HOXC11: variants seen among roughly 807,000 people sequenced by gnomAD.
HOXC11 encodes the protein homeobox protein Hox-C11.
In HOXC11, 17 loss-of-function variants were observed where a neutral mutation model predicts 23.6. The ratio of observed to expected loss-of-function variants is 0.72; its 90% CI spans 0.49 to 1.08. The LOEUF is 1.08. Among genes scored for constraint, HOXC11 ranks in the 50% least tolerant of loss-of-function variants. The pLI is 0.00. For synonymous variants in HOXC11, 196 were observed against 183.8 expected (o/e 1.07, Z -0.54); for missense variants, 413 against 412.1 (o/e 1.00, Z -0.02).
At position 53,975,520 on chromosome 12, in the gene HOXC11, C is replaced by A; in HGVS notation, c.*107C>A. On this transcript the variant is annotated 3_prime_UTR_variant, in exon 2 of 2. Transcript: ENST00000546378. ...TTCTTTCCGCCGGTGGAAAACTGGA[C>A]TGTGGCCAGGGCTGGCCCCCACCGC... 1.2e-6 allele frequency: 1 copy of A among 863,604 alleles called. No homozygotes were observed. The highest frequency in any genetic ancestry group is 1.9e-6 in the Non-Finnish European group (1 of 531,446). The allele number at this position is 863,604 out of a possible 1,614,324, so 53.5% of individuals were successfully genotyped here.
In HOXC11 at chr12:53,973,343, G is replaced by A; in HGVS notation, c.102G>A (p.Leu34=). The A allele has an allele frequency of 6.2e-7, 1 of 1,614,060 alleles. No individual in the cohort carries two copies. The highest frequency in any genetic ancestry group is 8.5e-7 in the Non-Finnish European group (1 of 1,179,988). ...ERGSCASNLY[L]PSCTYYMPEF... ...GGAGCTGCGCCTCCAACCTCTATCTGCCCAGTTGCACTTACTACATGCCCG... is the reference window on the plus strand; with the variant it reads ...GGAGCTGCGCCTCCAACCTCTATCTACCCAGTTGCACTTACTACATGCCCG... Residue 34 remains leucine, a synonymous_variant, in exon 1 of 2, where the codon CTG becomes CTA. Transcript: ENST00000546378. The surrounding 1 kb of genome is among the most constrained non-coding windows in gnomAD (Gnocchi z 4.3).
At chr12:53,974,806 G>A in intron 1 of HOXC11, 1 of 186,064 alleles carries the variant, frequency 5.4e-6, no homozygotes, top group Non-Finnish European at 1.1e-5. Context: ...TGGGGGAGGG[G>A]TTGGGCTTTC....
rs1939245020 is a variant in HOXC11 at position 53,975,700 on chromosome 12, A to G, written c.*287A>G. 1.1e-5 allele frequency: 6 copies of G among 558,988 alleles called. No individual in the cohort carries two copies. Among genetic ancestry groups the G allele is most frequent in the Non-Finnish European group, 1.6e-5 (5 of 317,258 alleles). The allele number at this position is 558,988 out of a possible 1,614,324, so 34.6% of individuals were successfully genotyped here. ...AGGCCAAGACTTTGATTTAAAAGAAAACACACCTCGGCGACAATGTCTTGC... is the reference window on the plus strand; with the variant it reads ...AGGCCAAGACTTTGATTTAAAAGAAGACACACCTCGGCGACAATGTCTTGC... On this transcript the variant is annotated 3_prime_UTR_variant, in exon 2 of 2. Transcript: ENST00000546378.
Position 53,973,407 on chromosome 12 carries a change from T to A in HOXC11, c.166T>A (p.Ser56Thr). The A allele has an allele frequency of 6.2e-7, 1 of 1,613,982 alleles. No homozygotes were observed. The change falls in exon 1 of 2, where the codon TCT (serine) becomes ACT (threonine). Residue 56 changes from serine (S) to threonine (T), a missense_variant. Ser to Thr is a moderately conservative substitution (Grantham distance 58). Transcript: ENST00000546378. The surrounding 1 kb of genome is among the most constrained non-coding windows in gnomAD (Gnocchi z 4.3). ...CTCCTCCTTCCTGCCCCAGGCCCCC[T>A]CTCGTCAGATCTCCTATCCCTACTC... is the stretch of plus-strand genomic sequence containing the variant. ...TVSSFLPQAPSRQISYPYSAQ... is the reference protein window; with the variant it reads ...TVSSFLPQAPTRQISYPYSAQ...
In HOXC11 at chr12:53,973,179, AT is replaced by A; in HGVS notation, c.-59del. The A allele has an allele frequency of 2.9e-6, 4 of 1,374,300 alleles. No individual in the cohort carries two copies. The highest frequency in any genetic ancestry group is 2.8e-5 in the South Asian group (2 of 71,716). 85.1% of individuals were successfully genotyped at this position (1,374,300 alleles called of 1,614,324 possible). On this transcript the variant is annotated 5_prime_UTR_variant, in exon 1 of 2. Coordinates refer to ENST00000546378, the MANE Select transcript of HOXC11 (RefSeq NM_014212.4). This position sits in a 1 kb window ranked among gnomAD's most constrained non-coding sequence, Gnocchi z 4.3. ...ATAACGCGTCATCTCGCCTTCCCAA[AT>A]TTTCCCCCCTCGCTAGACCGGGTCC...
In HOXC11 at chr12:53,975,495, T is replaced by A. The variant is rs747002887; in HGVS notation, c.*82T>A. On this transcript the variant is annotated 3_prime_UTR_variant, in exon 2 of 2. Coordinates refer to ENST00000546378, the MANE Select transcript of HOXC11 (RefSeq NM_014212.4). ...TTTATTTTTTATTTTCTAACTCGTC[T>A]TCTTTCCGCCGGTGGAAAACTGGAC... 2.0e-6 allele frequency: 2 copies of A among 993,630 alleles called. No homozygotes were observed. The highest frequency in any genetic ancestry group is 2.8e-5 in the South Asian group (2 of 71,976). The allele number at this position is 993,630 out of a possible 1,614,324, so 61.6% of individuals were successfully genotyped here. A position where few individuals can be genotyped will look rare whatever the true frequency, so the allele number is the denominator to read the frequency against.
In HOXC11 at chr12:53,975,553, G is replaced by A. The variant is rs905533305; in HGVS notation, c.*140G>A. 2.9e-5 allele frequency: 21 copies of A among 718,750 alleles called. No homozygotes were observed. The highest frequency in any genetic ancestry group is 5.4e-5 in the East Asian group (2 of 37,024). The allele number at this position is 718,750 out of a possible 1,614,324, so 44.5% of individuals were successfully genotyped here. ...AGGGCTGGCCCCCACCGCTGTGGCCGGCACTCCATTCCGGAACCTCCTGGA... is the reference window on the plus strand; with the variant it reads ...AGGGCTGGCCCCCACCGCTGTGGCCAGCACTCCATTCCGGAACCTCCTGGA... On this transcript the variant is annotated 3_prime_UTR_variant, in exon 2 of 2. Coordinates refer to ENST00000546378, the MANE Select transcript of HOXC11 (RefSeq NM_014212.4).
Position 53,973,518 on chromosome 12 carries a change from T to C in HOXC11, c.277T>C (p.Tyr93His). 1 of 1,613,822 alleles carries C rather than the reference T, an allele frequency of 6.2e-7. No individual in the cohort carries two copies. The highest frequency in any genetic ancestry group is 8.5e-7 in the Non-Finnish European group (1 of 1,179,994). ...CCATCGGAACAGCTACTCCTCCTGC[T>C]ATGCGGCGGCCGACGAGCTTATGCA... ...WHHRNSYSSC[Y>H]AAADELMHRE... Residue 93 changes from tyrosine (Y) to histidine (H), a missense_variant, in exon 1 of 2, where the codon TAT (tyrosine) becomes CAT (histidine). By Grantham distance (83) the Tyr-to-His change is moderately conservative (BLOSUM62 2). Coordinates refer to ENST00000546378, the MANE Select transcript of HOXC11 (RefSeq NM_014212.4). The surrounding 1 kb of genome is among the most constrained non-coding windows in gnomAD (Gnocchi z 4.3).
rs1300582441 is a variant in HOXC11 at position 53,973,766 on chromosome 12, C to T, written c.525C>T (p.Gly175=). 2 of 1,611,712 alleles carry T rather than the reference C, an allele frequency of 1.2e-6. No homozygotes were observed. Among genetic ancestry groups the T allele is most frequent in the Non-Finnish European group, 1.7e-6 (2 of 1,179,236 alleles). Reference sequence around the variant, plus strand: ...CCGAGCCCCCCTGCTCCGGCAAGGGCGAGGCCAAGGGGGAGCCCGAGGCAC... The same window carrying T: ...CCGAGCCCCCCTGCTCCGGCAAGGGTGAGGCCAAGGGGGAGCCCGAGGCAC... ...PPAEPPCSGK[G]EAKGEPEAPP... is the part of the protein sequence containing the mutation. Residue 175 remains glycine (G), a synonymous_variant, in exon 1 of 2, where the codon GGC becomes GGT. Coordinates refer to ENST00000546378, the MANE Select transcript of HOXC11 (RefSeq NM_014212.4). This position sits in a 1 kb window ranked among gnomAD's most constrained non-coding sequence, Gnocchi z 4.3.
intron 1 of HOXC11, chr12:53,974,959 AC>A: frequency 1.9e-6 from 1 of 536,858 alleles, no homozygotes; most frequent in East Asian, 3.3e-5. Context: ...AGAACTGGGG[AC>A]GGGGTGGCGC....
Position 53,973,338 on chromosome 12 carries a change from T to C in HOXC11, c.97T>C (p.Tyr33His), listed in dbSNP as rs1240786364. ...GCGAGGGAGCTGCGCCTCCAACCTC[T>C]ATCTGCCCAGTTGCACTTACTACAT... ...GERGSCASNL[Y>H]LPSCTYYMPE... The change falls in exon 1 of 2, where the codon TAT becomes CAT. Residue 33 changes from tyrosine (Y) to histidine (H), a missense_variant. Physicochemically the swap from Tyr to His is moderately conservative, Grantham distance 83. Coordinates refer to ENST00000546378, the MANE Select transcript of HOXC11 (RefSeq NM_014212.4). The surrounding 1 kb of genome is among the most constrained non-coding windows in gnomAD (Gnocchi z 4.3). 2 of 1,614,004 alleles carry C rather than the reference T, an allele frequency of 1.2e-6. No homozygotes were observed. Among genetic ancestry groups the C allele is most frequent in the Non-Finnish European group, 1.7e-6 (2 of 1,180,024 alleles).
In HOXC11 at chr12:53,973,429, A is replaced by G. The variant is rs1427829556; in HGVS notation, c.188A>G (p.Tyr63Cys). The G allele has an allele frequency of 1.9e-6, 3 of 1,613,054 alleles. No individual in the cohort carries two copies. In the South Asian group the frequency reaches 3.3e-5, roughly 18 times the overall value. The change falls in exon 1 of 2, where the codon TAC becomes TGC. Residue 63 changes from tyrosine (Y) to cysteine (C), a missense_variant. Tyr to Cys is a radical substitution (Grantham distance 194). Coordinates refer to ENST00000546378, the MANE Select transcript of HOXC11 (RefSeq NM_014212.4). This position sits in a 1 kb window ranked among gnomAD's most constrained non-coding sequence, Gnocchi z 4.3. ...QAPSRQISYP[Y>C]SAQVPPVREV... is the part of the protein sequence containing the mutation. ...CCCTCTCGTCAGATCTCCTATCCCTACTCGGCCCAAGTGCCCCCGGTCCGG... is the reference window on the plus strand; with the variant it reads ...CCCTCTCGTCAGATCTCCTATCCCTGCTCGGCCCAAGTGCCCCCGGTCCGG...
chr12:53,973,726 G>A lies in HOXC11; in HGVS notation c.485G>A (p.Gly162Asp). The change falls in exon 1 of 2, where the codon GGC (glycine) becomes GAC (aspartate). Residue 162 changes from glycine to aspartate, a missense_variant. Gly to Asp is a moderately conservative substitution (Grantham distance 94). Coordinates refer to ENST00000546378, the MANE Select transcript of HOXC11 (RefSeq NM_014212.4). The surrounding 1 kb of genome is among the most constrained non-coding windows in gnomAD (Gnocchi z 4.3). ...DRFFDNAYCG[G>D]GDPPAEPPCS... ...TTCTTCGACAACGCCTACTGCGGTGGCGGCGACCCGCCCGCCGAGCCCCCC... is the reference window on the plus strand; with the variant it reads ...TTCTTCGACAACGCCTACTGCGGTGACGGCGACCCGCCCGCCGAGCCCCCC... 1 of 1,612,200 alleles carries A rather than the reference G, an allele frequency of 6.2e-7. No homozygotes were observed. The highest frequency in any genetic ancestry group is 1.1e-5 in the South Asian group (1 of 91,080).
Position 53,975,283 on chromosome 12 carries a change from G to T in HOXC11, c.785G>T (p.Arg262Leu). The T allele has an allele frequency of 6.2e-7, 1 of 1,613,598 alleles. No individual in the cohort carries two copies. Residue 262 changes from arginine to leucine, a missense_variant, in exon 2 of 2, where the codon CGG becomes CTG. Arg to Leu is a moderately radical substitution (Grantham distance 102). Transcript: ENST00000546378. ...FFNVYINKEK[R>L]LQLSRMLNLT... ...AACGTGTATATCAACAAAGAGAAGC[G>T]GCTGCAGCTGTCCCGGATGCTGAAC...
chr12:53,975,308 C>G lies in HOXC11; in HGVS notation c.810C>G (p.Asn270Lys). The change falls in exon 2 of 2, where the codon AAC becomes AAG. Residue 270 changes from asparagine (N) to lysine (K), a missense_variant. Transcript: ENST00000546378. The stretch of plus-strand genomic sequence containing the variant: ...GGCTGCAGCTGTCCCGGATGCTGAA[C>G]CTGACGGACCGACAAGTGAAAATTT... ...EKRLQLSRML[N>K]LTDRQVKIWF... 1 of 1,613,760 alleles carries G rather than the reference C, an allele frequency of 6.2e-7. No individual in the cohort carries two copies. Among genetic ancestry groups the G allele is most frequent in the Non-Finnish European group, 8.5e-7 (1 of 1,179,914 alleles).
intron 1 of HOXC11, among the ~76,000 whole-genome samples, chr12:53,974,724 C>T (rs911026272): frequency 1.8e-4 from 27 of 151,950 alleles, no homozygotes; most frequent in African/African-American, 6.3e-4. Context: ...GGCCGGCTTC[C>T]TCCCCGCCTC....
rs1481360110 is a variant in HOXC11 at position 53,976,302 on chromosome 12, C to T, written c.*889C>T. ...CCCCAGTGAGATTCAAATCACGCAT[C>T]TCTACTCCTCTGCGTGAGTGCGTGT... On this transcript the variant is annotated 3_prime_UTR_variant, in exon 2 of 2. Transcript: ENST00000546378. 1 of 223,962 alleles carries T rather than the reference C, an allele frequency of 4.5e-6. No homozygotes were observed. The highest frequency in any genetic ancestry group is 6.4e-5 in the East Asian group (1 of 15,528). The allele number at this position is 223,962 out of a possible 1,614,324, so 13.9% of individuals were successfully genotyped here. A position where few individuals can be genotyped will look rare whatever the true frequency, so the allele number is the denominator to read the frequency against.
Position 53,973,610 on chromosome 12 carries a change from C to G in HOXC11, c.369C>G (p.Gly123=). 6.2e-7 allele frequency: 1 copy of G among 1,613,706 alleles called. No homozygotes were observed. The highest frequency in any genetic ancestry group is 1.3e-5 in the African/African-American group (1 of 75,036). ...TGAAAAACGAAGGCTCCTACGGCGG[C>G]CACCACCACCCCAGCGCCCCGCACG... The part of the protein sequence containing the change: ...ILMKNEGSYG[G]HHHPSAPHAT... Residue 123 remains glycine (G), a synonymous_variant, in exon 1 of 2, where the codon GGC becomes GGG. Coordinates refer to ENST00000546378, the MANE Select transcript of HOXC11 (RefSeq NM_014212.4). This position sits in a 1 kb window ranked among gnomAD's most constrained non-coding sequence, Gnocchi z 4.3.
chr12:53,976,127 CTTT>C lies in HOXC11; in HGVS notation c.*728_*730del, dbSNP rs768935038. 6.6e-5 allele frequency: 12 copies of C among 181,204 alleles called. No individual in the cohort carries two copies. Among genetic ancestry groups the C allele is most frequent in the Admixed American group, 1.3e-4 (2 of 14,968 alleles). The allele number at this position is 181,204 out of a possible 1,614,324, so 11.2% of individuals were successfully genotyped here. A position where few individuals can be genotyped will look rare whatever the true frequency, so the allele number is the denominator to read the frequency against. On this transcript the variant is annotated 3_prime_UTR_variant, in exon 2 of 2. Coordinates refer to ENST00000546378, the MANE Select transcript of HOXC11 (RefSeq NM_014212.4). Reference sequence around the variant, plus strand: ...GCTATAGTCTATGCAGTCGTTACCTCTTTTTTTTTTTTTTTTAAGAAAATTGAA... The same window carrying C: ...GCTATAGTCTATGCAGTCGTTACCTCTTTTTTTTTTTTTAAGAAAATTGAA...
Sources: gnomAD v4.1 joint callset for allele counts (sites outside exome capture counted in the v4.1 genomes callset) on GRCh38, gnomAD v4.1.1 for gene constraint, Gnocchi (gnomAD v3.1) non-coding constraint, MANE v1.5 for transcripts, NCBI Gene and HGNC (gene_info 2026-07-23, HGNC 2026-07-21) for gene names.